Variants in NEDD4L observed in about 807,000 individuals in gnomAD.
NEDD4L encodes E3 ubiquitin-protein ligase NEDD4-like.
In NEDD4L, 54 loss-of-function variants were observed where a neutral mutation model predicts 148.9. The observed-to-expected ratio is 0.36, with a 90% CI of 0.29 to 0.45. NEDD4L has a LOEUF of 0.45. Among genes scored for constraint, NEDD4L ranks in the 20% least tolerant of loss-of-function variants. The pLI, the probability that NEDD4L is intolerant of heterozygous loss-of-function variation, is 1.00. For synonymous variants in NEDD4L, 433 were observed against 440.7 expected (o/e 0.98, Z 0.22); for missense variants, 856 against 1,233.8 (o/e 0.69, Z 4.59).
rs571956713 is a variant in NEDD4L at position 58,137,339 on chromosome 18, G to A, written c.49-28449G>A. Among the ~76,000 whole-genome samples the A allele has an allele frequency of 2.6e-5, 4 of 152,342 alleles. No homozygotes were observed. In the South Asian group the frequency reaches 6.2e-4, roughly 24 times the overall value. On this transcript the variant is annotated intron_variant, in intron 1 of 30. Transcript: ENST00000400345. ...TGTGTGTTTTTCAGCAGGGCCTCAT[G>A]GGCACCACTCGTAAGTCCAGAATCT...
intron 1 of NEDD4L, among the ~76,000 whole-genome samples, chr18:58,059,207 G>A (rs1375841021): frequency 3.3e-5 from 5 of 152,088 alleles, no homozygotes; most frequent in Admixed American, 6.6e-5. Context: ...GGGATGACAC[G>A]TGTGAGCCAC....
At chr18:58,301,197 C>A (rs566557421) in intron 5 of NEDD4L, among the ~76,000 whole-genome samples, 10 of 152,306 alleles carry the variant, frequency 6.6e-5, no homozygotes, top group African/African-American at 2.2e-4. Context: ...AGCTCATTTA[C>A]GTGTCTGAAT....
intron 15 of NEDD4L, 103 bp downstream of exon 15, chr18:58,341,900 T>C: frequency 7.5e-7 from 1 of 1,329,258 alleles, no homozygotes; most frequent in Non-Finnish European, 1.0e-6. Flanking sequence ...CTCCTCTCTC[T>C]GATCAGTCGT....
At chr18:58,219,599 C>T (rs1334551403) in intron 2 of NEDD4L, among the ~76,000 whole-genome samples, 1 of 147,586 alleles carries the variant, frequency 6.8e-6, no homozygotes, top group Non-Finnish European at 1.5e-5. Flanking sequence ...TGCAGATGCT[C>T]CTCTGGGTCT....
intron 17 of NEDD4L, 114 bp downstream of exon 17, chr18:58,349,728 T>C (rs2043628024): frequency 3.8e-6 from 3 of 788,922 alleles, no homozygotes; most frequent in Admixed American, 2.2e-5. Context: ...GTGGATCTCA[T>C]TGGTTTGTGT....
chr18:58,132,476 C>T (rs1391687677), intron 1 of NEDD4L, among the ~76,000 whole-genome samples: 1 of 152,208 alleles, frequency 6.6e-6, no homozygotes, highest in African/African-American at 2.4e-5. Context: ...TCAATAATTG[C>T]GGATCTTCCT....
chr18:58,061,915 T>C (rs1202927169), intron 1 of NEDD4L, among the ~76,000 whole-genome samples: 1 of 132,200 alleles, frequency 7.6e-6, no homozygotes, highest in Non-Finnish European at 1.6e-5. Flanking sequence ...TTTCTGATTC[T>C]TTTGGCTACT....
At chr18:58,353,117 A>T (rs2044131744) in intron 18 of NEDD4L, among the ~76,000 whole-genome samples, 1 of 152,212 alleles carries the variant, frequency 6.6e-6, no homozygotes, top group South Asian at 2.1e-4. Flanking sequence ...GAGGAGCAGT[A>T]GGTGCCCCCA....
intron 1 of NEDD4L, among the ~76,000 whole-genome samples, chr18:58,091,891 AT>A (rs1201394049): frequency 6.6e-6 from 1 of 152,200 alleles, no homozygotes; most frequent in Non-Finnish European, 1.5e-5. Flanking sequence ...CAGGGGACTC[AT>A]TTCATGCTTT....
chr18:58,087,386 C>T (rs1334935739), intron 1 of NEDD4L, among the ~76,000 whole-genome samples: 1 of 152,234 alleles, frequency 6.6e-6, no homozygotes, highest in Non-Finnish European at 1.5e-5. Flanking sequence ...CAGGGCTCTT[C>T]AGGGGTTTTC....
intron 19 of NEDD4L, among the ~76,000 whole-genome samples, chr18:58,359,392 T>A (rs905924900): frequency 2.0e-5 from 3 of 152,232 alleles, no homozygotes; most frequent in Non-Finnish European, 2.9e-5. Context: ...GACTTAGGGT[T>A]AAAATGAATC....
Position 58,044,705 on chromosome 18 carries a change from C to T in NEDD4L, c.45C>T (p.Asp15=). The change falls in exon 1 of 31, where the codon GAC becomes GAT. Residue 15 remains aspartate (D), a synonymous_variant. Coordinates refer to ENST00000400345, the MANE Select transcript of NEDD4L (RefSeq NM_001144967.3). Reference sequence around the variant, plus strand: ...AGCCGGTCTATGGACTTTCCGAAGACGAGGTGAGTGGCACCCCCTTCCTGC... The same window carrying T: ...AGCCGGTCTATGGACTTTCCGAAGATGAGGTGAGTGGCACCCCCTTCCTGC... ...LGEPVYGLSE[D]EGESRILRVK... is the part of the protein sequence containing the mutation. 1 of 1,606,690 alleles carries T rather than the reference C, an allele frequency of 6.2e-7. No homozygotes were observed. The highest frequency in any genetic ancestry group is 8.5e-7 in the Non-Finnish European group (1 of 1,176,606).
At chr18:58,114,562 A>T (rs1046859784) in intron 1 of NEDD4L, among the ~76,000 whole-genome samples, 2 of 152,212 alleles carry the variant, frequency 1.3e-5, no homozygotes, top group Non-Finnish European at 2.9e-5. Context: ...GAACGTGAAG[A>T]TGGGAGCATG....
In NEDD4L at chr18:58,149,488, T is replaced by G. The variant is rs888407824; in HGVS notation, c.49-16300T>G. 2.6e-6 allele frequency: 4 copies of G among 1,550,926 alleles called. No homozygotes were observed. The African/African-American group carries it at 5.5e-5, about 21-fold the overall frequency. On this transcript the variant is annotated intron_variant, in intron 1 of 30. Coordinates refer to ENST00000400345, the MANE Select transcript of NEDD4L (RefSeq NM_001144967.3). ...CAGAACTTGCTCTGCCCTTGAGTTT[T>G]CCAGCTTTCCTTTAATGCACTAAAC... is the stretch of plus-strand genomic sequence containing the variant.
At chr18:58,104,477 A>G (rs766937979) in intron 1 of NEDD4L, among the ~76,000 whole-genome samples, 1 of 152,196 alleles carries the variant, frequency 6.6e-6, no homozygotes, top group African/African-American at 2.4e-5. Flanking sequence ...TTACTTTAAA[A>G]TGGTGATGTT....
At chr18:58,144,238 A>G (rs568649602) in intron 1 of NEDD4L, among the ~76,000 whole-genome samples, 37 of 152,254 alleles carry the variant, frequency 2.4e-4, no homozygotes, top group African/African-American at 8.4e-4. Flanking sequence ...TGCACGCTGT[A>G]CTGGATGATA....
At chr18:58,351,439 G>A (rs1455088000) in intron 18 of NEDD4L, among the ~76,000 whole-genome samples, 2 of 152,216 alleles carry the variant, frequency 1.3e-5, no homozygotes, top group Non-Finnish European at 2.9e-5. Flanking sequence ...AAGTTTTTTA[G>A]ACACTGCCTT....
At chr18:58,361,178 A>G (rs1368292939) in intron 19 of NEDD4L, among the ~76,000 whole-genome samples, 1 of 152,074 alleles carries the variant, frequency 6.6e-6, no homozygotes, top group Non-Finnish European at 1.5e-5. Context: ...GTGCCCACTG[A>G]TTTCTCTAAT....
chr18:58,161,019 T>TC (rs975390048), intron 1 of NEDD4L, among the ~76,000 whole-genome samples: 2 of 150,630 alleles, frequency 1.3e-5, no homozygotes, highest in African/African-American at 2.4e-5. Flanking sequence ...TTTCTTTCTT[T>TC]CTTTTTTTTT....
Sources: gnomAD v4.1 joint callset for allele counts (sites outside exome capture counted in the v4.1 genomes callset) on GRCh38, gnomAD v4.1.1 for gene constraint, MANE v1.5 for transcripts, NCBI Gene and HGNC (gene_info 2026-07-23, HGNC 2026-07-21) for gene names.